The following DLC1 variants were observed in gnomAD, a reference collection of about 807,000 sequenced individuals.
The protein encoded by DLC1 is DLC1 Rho GTPase activating protein, also known as rho GTPase-activating protein 7.
In DLC1, 54 loss-of-function variants were observed where a neutral mutation model predicts 140.3. The observed-to-expected ratio is 0.38, with a 90% CI of 0.31 to 0.48. DLC1 has a LOEUF of 0.48. Among genes scored for constraint, DLC1 ranks in the 20% least tolerant of loss-of-function variants. DLC1 has a pLI of 0.96. For missense variants in DLC1, 2,536 were observed against 1,907.0 expected, an observed-to-expected ratio of 1.33 and a Z score of -6.14; for synonymous variants, 986 against 728.1, an observed-to-expected ratio of 1.35 and a Z score of -5.70.
chr8:13,408,651 A>T (rs763343437), intron 2 of DLC1, among the ~76,000 whole-genome samples: 7 of 152,220 alleles, frequency 4.6e-5, no homozygotes, highest in Non-Finnish European at 1.0e-4. Context: ...TGCTGGAACC[A>T]GTCTTCATTT....
intron 5 of DLC1, among the ~76,000 whole-genome samples, chr8:13,300,214 T>C (rs1196523651): frequency 1.3e-5 from 2 of 152,062 alleles, no homozygotes; most frequent in Non-Finnish European, 2.9e-5. Flanking sequence ...TTCTCACTTA[T>C]AAGTAGGAGC....
rs374895094 is a variant in DLC1 at position 13,496,645 on chromosome 8, T to C, written c.1023+2404A>G. Among the ~76,000 whole-genome samples the C allele has an allele frequency of 9.2e-5, 14 of 152,130 alleles. No individual in the cohort carries two copies. In the East Asian group the frequency reaches 1.9e-3, roughly 21 times the overall value. On this transcript the variant is annotated intron_variant, in intron 2 of 17. Transcript: ENST00000276297. The stretch of plus-strand genomic sequence containing the variant: ...ATTAAGATTTGGCTGTCTATACATA[T>C]TGGTCTGCTACTGTTGTTTTTCAGT...
chr8:13,395,237 C>A (rs1436608715), intron 3 of DLC1, among the ~76,000 whole-genome samples: 1 of 151,808 alleles, frequency 6.6e-6, no homozygotes, highest in African/African-American at 2.4e-5. Context: ...TCTCCTGCCT[C>A]AACCTCCTTG....
intron 1 of DLC1, among the ~76,000 whole-genome samples, chr8:13,512,387 G>A (rs1326083377): frequency 6.6e-6 from 1 of 152,100 alleles, no homozygotes; most frequent in Admixed American, 6.6e-5. Flanking sequence ...GAAGTATGAT[G>A]CAGATGAAAT....
At chr8:13,459,569 A>C (rs1168425510) in intron 2 of DLC1, among the ~76,000 whole-genome samples, 1 of 152,134 alleles carries the variant, frequency 6.6e-6, no homozygotes, top group African/African-American at 2.4e-5. Flanking sequence ...GCTGTGTTCC[A>C]ATGGGGGCAG....
intron 5 of DLC1, among the ~76,000 whole-genome samples, chr8:13,191,564 C>A (rs188079232): frequency 6.6e-6 from 1 of 152,168 alleles, no homozygotes; most frequent in East Asian, 1.9e-4. Context: ...TGCCTGGTGG[C>A]GTGCACTGAA....
At chr8:13,403,807 GTTTTTTTTTT>G (rs369715973) in intron 2 of DLC1, among the ~76,000 whole-genome samples, 2 of 87,296 alleles carry the variant, frequency 2.3e-5, no homozygotes, top group African/African-American at 4.6e-5. Context: ...AGGTCTGGCT[GTTTTTTTTTT>G]TTTTTTTTTT....
At chr8:13,153,143 C>A (rs1458505749) in intron 5 of DLC1, among the ~76,000 whole-genome samples, 1 of 152,204 alleles carries the variant, frequency 6.6e-6, no homozygotes, top group Admixed American at 6.5e-5. Flanking sequence ...GTGAGTGTTA[C>A]AGATCTTAAA....
rs138413451 is a variant in DLC1, at chr8:13,293,217, G to A, written c.1348+12052C>T. Among the ~76,000 whole-genome samples the A allele has an allele frequency of 7.6e-3, 1,160 of 152,230 alleles. 8 individuals are homozygous for A. The highest frequency in any genetic ancestry group is 0.012 in the Non-Finnish European group (798 of 68,020). On this transcript the variant is annotated intron_variant, in intron 5 of 17. Transcript: ENST00000276297. ...TGCATTCCAGCTTGGGCAACAGAGC[G>A]TGAACCTGTCTCTAAAACAATAAAT... is the stretch of plus-strand genomic sequence containing the variant.
chr8:13,110,711 A>G, intron 7 of DLC1, 31 bp downstream of exon 7: 1 of 1,594,216 alleles, frequency 6.3e-7, no homozygotes, highest in Non-Finnish European at 8.6e-7. Flanking sequence ...AAAAAATAAA[A>G]AAGGAAAACA....
chr8:13,425,654 A>G (rs976320080), intron 2 of DLC1, among the ~76,000 whole-genome samples: 3 of 64,706 alleles, frequency 4.6e-5, no homozygotes, highest in Non-Finnish European at 9.4e-5. Flanking sequence ...TATCATTATT[A>G]TACTGTGTCA....
At chr8:13,460,204 A>T (rs1799595319) in intron 2 of DLC1, among the ~76,000 whole-genome samples, 1 of 152,158 alleles carries the variant, frequency 6.6e-6, no homozygotes, top group Non-Finnish European at 1.5e-5. Context: ...ATTCTAAAAT[A>T]CACTGCTTGT....
At chr8:13,121,782 G>C (rs1821096766) in intron 5 of DLC1, among the ~76,000 whole-genome samples, 1 of 152,108 alleles carries the variant, frequency 6.6e-6, no homozygotes, top group Non-Finnish European at 1.5e-5. Flanking sequence ...CAAACTCCTG[G>C]GCTCAGGCAA....
Position 13,594,525 on chromosome 8 carries a change from C to T in DLC1, c.-126+10012G>A, listed in dbSNP as rs1805623892. Among the ~76,000 whole-genome samples the T allele has an allele frequency of 2.0e-5, 3 of 152,194 alleles. No individual in the cohort carries two copies. In the South Asian group the frequency reaches 6.2e-4, roughly 32 times the overall value. ...TCTGAGAGAATACCACAAGTCTGGG[C>T]TTTGTATCAGTTCTTCGATTTTCTG... On this transcript the variant is annotated intron_variant, in intron 1 of 1. Coordinates refer to the DLC1 transcript ENST00000631382.
chr8:13,138,603 G>C (rs1007790062), intron 5 of DLC1, among the ~76,000 whole-genome samples: 1 of 152,192 alleles, frequency 6.6e-6, no homozygotes, highest in Non-Finnish European at 1.5e-5. Flanking sequence ...ATGTTCAAAG[G>C]ACATACGACA....
chr8:13,555,361 A>C (rs1215492070), intron 1 of DLC1, among the ~76,000 whole-genome samples: 3 of 152,190 alleles, frequency 2.0e-5, no homozygotes, highest in African/African-American at 4.8e-5. Context: ...CAAATGGAAG[A>C]AAAATGGTGG....
chr8:13,579,358 TATA>T (rs1193290784), intron 1 of DLC1, among the ~76,000 whole-genome samples: 6 of 41,652 alleles, frequency 1.4e-4, no homozygotes, highest in African/African-American at 5.5e-4. Flanking sequence ...TATATATATA[TATA>T]TTTTTATATA....
At chr8:13,528,177 A>C (rs2117300092) in intron 1 of DLC1, among the ~76,000 whole-genome samples, 1 of 152,256 alleles carries the variant, frequency 6.6e-6, no homozygotes, top group East Asian at 1.9e-4. Flanking sequence ...CAAACTCTTA[A>C]AAAGTTCAGT....
chr8:13,327,472 AT>A (rs1331304323), intron 4 of DLC1, among the ~76,000 whole-genome samples: 1 of 103,608 alleles, frequency 9.7e-6, no homozygotes, highest in Non-Finnish European at 2.0e-5. Flanking sequence ...TATTTCTGGC[AT>A]TTTTTTTTCT....
Sources: allele counts gnomAD v4.1 joint callset (sites outside exome capture counted in the v4.1 genomes callset), GRCh38; gene constraint gnomAD v4.1.1; transcripts MANE v1.5; gene names NCBI Gene and HGNC (gene_info 2026-07-23, HGNC 2026-07-21).